Variants in ECM2 observed in about 807,000 individuals in gnomAD.
ECM2 encodes extracellular matrix protein 2.
ECM2 carries 57 observed loss-of-function variants against 67.5 expected under a neutral mutation model. That is an observed-to-expected ratio of 0.84 (90% confidence interval 0.68 to 1.05). ECM2 has a LOEUF of 1.05. ECM2 is among the 50% of genes least tolerant of loss of function. The pLI is 0.00. For synonymous variants in ECM2, 258 were observed against 294.5 expected, an observed-to-expected ratio of 0.88 and a Z score of 1.27; for missense variants, 741 against 822.8, an observed-to-expected ratio of 0.90 and a Z score of 1.22.
At chr9:92,505,503 A>G (rs755990076) in intron 7 of ECM2, 30 bp downstream of exon 7, 2 of 1,548,854 alleles carry the variant, frequency 1.3e-6, no homozygotes, top group Admixed American at 4.2e-5. Flanking sequence ...AATATAATAC[A>G]TTTAAAACAC....
Position 92,495,580 on chromosome 9 carries a change from G to A in ECM2, c.*735C>T. ...GTCTTAATCTTGAGTGAGGAATAGT[G>A]AAGGTAATCTTAATATACTGTTTAA... On this transcript the variant is annotated 3_prime_UTR_variant, in exon 10 of 10. Transcript: ENST00000344604. The A allele has an allele frequency of 1.0e-6, 1 of 979,204 alleles. No homozygotes were observed. The allele number at this position is 979,204 out of a possible 1,614,324, so 60.7% of individuals were successfully genotyped here.
At chr9:92,497,624 CAA>C (rs1315903167) in intron 9 of ECM2, among the ~76,000 whole-genome samples, 8 of 81,552 alleles carry the variant, frequency 9.8e-5, no homozygotes, top group African/African-American at 1.3e-4. Context: ...AACTCTGTCT[CAA>C]AAAAAAAAAA....
chr9:92,536,860 A>AT (rs200712976), upstream of ECM2, among the ~76,000 whole-genome samples: 15,468 of 139,904 alleles, frequency 0.11, 900 homozygotes, highest in Middle Eastern at 0.16. Context: ...TTTTAGAACT[A>AT]TTTTTTAAAT....
chr9:92,522,605 C>T lies in ECM2; in HGVS notation c.262G>A (p.Gly88Arg). Residue 88 changes from glycine to arginine, a missense_variant, in exon 2 of 10, where the codon GGA (glycine) becomes AGA (arginine). By Grantham distance (125) the Gly-to-Arg change is moderately radical. Coordinates refer to ENST00000344604, the MANE Select transcript of ECM2 (RefSeq NM_001393.4). ...AACACATTATAACTTGATTCTACTC[C>T]AGGAAAACTTGAAAAGGATTCAAAC... ...EKFESFSSFP[G>R]VESSYNVLPG... The T allele has an allele frequency of 6.2e-7, 1 of 1,613,384 alleles. No homozygotes were observed. Among genetic ancestry groups the T allele is most frequent in the Non-Finnish European group, 8.5e-7 (1 of 1,179,660 alleles).
the ECM2 span, among the ~76,000 whole-genome samples, chr9:92,551,098 G>A: frequency 6.6e-6 from 1 of 152,132 alleles, no homozygotes; most frequent in South Asian, 2.1e-4. Flanking sequence ...ATTTCCTGGG[G>A]AGGTGGCTGT....
intron 8 of ECM2, among the ~76,000 whole-genome samples, chr9:92,501,479 T>C (rs1279321855): frequency 6.6e-6 from 1 of 152,240 alleles, no homozygotes; most frequent in African/African-American, 2.4e-5. Flanking sequence ...TGGCTTGTTT[T>C]GGTTCCCCTT....
At chr9:92,524,114 CTG>C (rs1848244805) in intron 1 of ECM2, among the ~76,000 whole-genome samples, 1 of 152,220 alleles carries the variant, frequency 6.6e-6, no homozygotes, top group Admixed American at 6.5e-5. Context: ...CTAAGACGTT[CTG>C]TGACTGATGT....
In ECM2 at chr9:92,497,584, G is replaced by A. The variant is rs533069915; in HGVS notation, c.1932-1101C>T. Among the ~76,000 whole-genome samples the A allele has an allele frequency of 1.5e-4, 22 of 150,126 alleles. 1 individual carries two copies. Among genetic ancestry groups the A allele is most frequent in the African/African-American group, 5.2e-4 (21 of 40,758 alleles). ...GGTTGCAGTGAGCTGAGATCACGCCGTTGCACTTCTGCCTGGGCAACAAGA... is the reference window on the plus strand; with the variant it reads ...GGTTGCAGTGAGCTGAGATCACGCCATTGCACTTCTGCCTGGGCAACAAGA... On this transcript the variant is annotated intron_variant, in intron 9 of 9. Transcript: ENST00000344604.
intron 5 of ECM2, among the ~76,000 whole-genome samples, chr9:92,510,733 A>C (rs1847282457): frequency 6.6e-6 from 1 of 152,252 alleles, no homozygotes; most frequent in African/African-American, 2.4e-5. Flanking sequence ...AAATTTCAAC[A>C]GTTTCGGAAT....
intron 2 of ECM2, among the ~76,000 whole-genome samples, chr9:92,522,312 TC>T (rs1464902958): frequency 6.6e-6 from 1 of 152,130 alleles, no homozygotes; most frequent in Non-Finnish European, 1.5e-5. Context: ...GGTCTTAAAC[TC>T]CTGACCTCGT....
In ECM2 at chr9:92,500,732, CTTG is replaced by C. The variant is rs746618975; in HGVS notation, c.1923_1925del (p.Asn641del). 22 of 1,607,948 alleles carry C rather than the reference CTTG, an allele frequency of 1.4e-5. No individual in the cohort carries two copies. In the East Asian group the frequency reaches 2.5e-4, roughly 18 times the overall value. On this transcript the variant is annotated inframe_deletion, in exon 9 of 10. Coordinates refer to ENST00000344604, the MANE Select transcript of ECM2 (RefSeq NM_001393.4). ...TTGAAAAAGCCAAAATTTACCGTAT[CTTG>C]TTGTTGTTCAGCCTCAGAAAATGTA...
In ECM2 at chr9:92,499,202, C is replaced by T. The variant is rs376514162; in HGVS notation, c.1931+1525G>A. Among the ~76,000 whole-genome samples the T allele has an allele frequency of 1.1e-3, 165 of 152,246 alleles. 1 individual carries two copies. Among genetic ancestry groups the T allele is most frequent in the African/African-American group, 3.8e-3 (156 of 41,542 alleles). On this transcript the variant is annotated intron_variant, in intron 9 of 9. Coordinates refer to ENST00000344604, the MANE Select transcript of ECM2 (RefSeq NM_001393.4). ...GAAACATAACTGCTTACATGAAAGCCTAAGTATATATTGATTCACCAGAAA... is the reference window on the plus strand; with the variant it reads ...GAAACATAACTGCTTACATGAAAGCTTAAGTATATATTGATTCACCAGAAA...
At chr9:92,545,886 G>C in the ECM2 span, among the ~76,000 whole-genome samples, 1 of 151,732 alleles carries the variant, frequency 6.6e-6, no homozygotes, top group Non-Finnish European at 1.5e-5. Context: ...GTGTCTAGCT[G>C]ATCTGGTGGG....
At chr9:92,533,321 AAAAAAAAAT>A (rs1848946370) in intron 1 of ECM2, among the ~76,000 whole-genome samples, 2 of 100,766 alleles carry the variant, frequency 2.0e-5, no homozygotes, top group African/African-American at 7.6e-5. Context: ...AAAAAAAAAA[AAAAAAAAAT>A]ATATATATAT....
the ECM2 span, among the ~76,000 whole-genome samples, chr9:92,551,074 C>T: frequency 1.3e-5 from 2 of 152,096 alleles, no homozygotes; most frequent in East Asian, 3.9e-4. Context: ...TCCAGGCTAC[C>T]AGATACTCAG....
the ECM2 span, among the ~76,000 whole-genome samples, chr9:92,550,610 G>A: frequency 6.6e-6 from 1 of 152,004 alleles, no homozygotes; most frequent in Non-Finnish European, 1.5e-5. Flanking sequence ...AGTCCAGGAG[G>A]CTGGAAGTAT....
the ECM2 span, among the ~76,000 whole-genome samples, chr9:92,551,610 G>A: frequency 6.6e-6 from 1 of 151,714 alleles, no homozygotes; most frequent in African/African-American, 2.4e-5. Flanking sequence ...TGAGATTTTG[G>A]TGTACCCATC....
At chr9:92,541,751 A>C in the ECM2 span, among the ~76,000 whole-genome samples, 1 of 151,946 alleles carries the variant, frequency 6.6e-6, no homozygotes, top group Non-Finnish European at 1.5e-5. Flanking sequence ...ATGCTGCAGT[A>C]AACATGGGAG....
At chr9:92,558,990 A>G in the ECM2 span, among the ~76,000 whole-genome samples, 1 of 152,004 alleles carries the variant, frequency 6.6e-6, no homozygotes, top group Non-Finnish European at 1.5e-5. Flanking sequence ...GCCACCCAAC[A>G]GCCCCAAGTC....
Sources: gnomAD v4.1 joint callset for allele counts (sites outside exome capture counted in the v4.1 genomes callset) on GRCh38, gnomAD v4.1.1 for gene constraint, MANE v1.5 for transcripts, NCBI Gene and HGNC (gene_info 2026-07-23, HGNC 2026-07-21) for gene names.